Variants in LIN28B observed in about 807,000 individuals in gnomAD.
LIN28B encodes protein lin-28 homolog B.
Under a neutral mutation model 21.9 loss-of-function variants are expected in LIN28B, and 5 were observed. The ratio of observed to expected loss-of-function variants is 0.23; its 90% CI spans 0.12 to 0.48. The LOEUF is 0.48. Among genes scored for constraint, LIN28B ranks in the 20% least tolerant of loss-of-function variants. The probability of loss-of-function intolerance (pLI) is 0.98; values close to 1 mark genes in which losing one functional copy is unlikely to be tolerated. For missense variants in LIN28B, 245 were observed against 310.5 expected, an observed-to-expected ratio of 0.79 and a Z score of 1.58; for synonymous variants, 109 against 111.3, an observed-to-expected ratio of 0.98 and a Z score of 0.13.
At chr6:104,958,728 C>T (rs1357837810) in intron 2 of LIN28B, among the ~76,000 whole-genome samples, 1 of 152,186 alleles carries the variant, frequency 6.6e-6, no homozygotes. Context: ...CACCTCTAGT[C>T]ACAGTAGCTC....
intron 3 of LIN28B, among the ~76,000 whole-genome samples, chr6:105,052,287 T>C (rs1189851978): frequency 6.6e-6 from 1 of 152,136 alleles, no homozygotes; most frequent in Non-Finnish European, 1.5e-5. Flanking sequence ...GATGGTGTCT[T>C]AGTCTACTTT....
chr6:104,966,159 A>G (rs888801835), intron 2 of LIN28B, among the ~76,000 whole-genome samples: 2 of 152,218 alleles, frequency 1.3e-5, no homozygotes, highest in Non-Finnish European at 1.5e-5. Flanking sequence ...AATTAGTATT[A>G]TAAAGGAGAA....
At chr6:105,041,233 C>G (rs1273219004) in intron 3 of LIN28B, among the ~76,000 whole-genome samples, 1 of 152,094 alleles carries the variant, frequency 6.6e-6, no homozygotes, top group Non-Finnish European at 1.5e-5. Context: ...TTTAGTAATT[C>G]CTAACATTTT....
chr6:104,980,818 G>C lies in LIN28B; in HGVS notation c.198+22532G>C, dbSNP rs559770593. On this transcript the variant is annotated intron_variant, in intron 2 of 3. Transcript: ENST00000345080. ...ATCATGTCCATATAAATTGTTGGCT[G>C]TTCTACTCATTTTATCAGCAGAGCC... 3.7e-4 allele frequency among the ~76,000 whole-genome samples: 56 copies of C among 152,052 alleles called. No individual in the cohort carries two copies. The South Asian group carries it at 0.011, about 30-fold the overall frequency.
At chr6:105,039,873 A>T (rs917217467) in intron 3 of LIN28B, among the ~76,000 whole-genome samples, 23 of 152,282 alleles carry the variant, frequency 1.5e-4, no homozygotes, top group Admixed American at 3.3e-4. Flanking sequence ...CTCTTTTCCA[A>T]GAGTTGTACC....
Position 104,989,017 on chromosome 6 carries a change from A to T in LIN28B, c.198+30731A>T, listed in dbSNP as rs572331002. Among the ~76,000 whole-genome samples, 7 of 152,156 alleles carry T rather than the reference A, an allele frequency of 4.6e-5. No homozygotes were observed. In the East Asian group the frequency reaches 1.4e-3, roughly 29 times the overall value. ...GCCTCACATTTTCTTCATACTTTCT[A>T]TATGATCTGCAGTCGTGTTCCTGCC... On this transcript the variant is annotated intron_variant, in intron 2 of 3. Transcript: ENST00000345080.
chr6:105,013,723 CA>C (rs11330582), intron 2 of LIN28B, among the ~76,000 whole-genome samples: 124,188 of 137,678 alleles, frequency 0.9, 55,769 homozygotes, highest in African/African-American at 0.97. Context: ...GACCCTGTCT[CA>C]AAAAAAAAAA....
chr6:105,002,369 A>G (rs1033219485), intron 2 of LIN28B, among the ~76,000 whole-genome samples: 13 of 152,222 alleles, frequency 8.5e-5, no homozygotes, highest in Admixed American at 7.2e-4. Flanking sequence ...TAATTCTTTG[A>G]CATTAATAGG....
At chr6:104,958,433 A>G in intron 2 of LIN28B, 147 bp downstream of exon 2, 1 of 566,812 alleles carries the variant, frequency 1.8e-6, no homozygotes, top group Non-Finnish European at 3.0e-6. Context: ...TCCAACGTTT[A>G]GGGTACGTGT....
intron 3 of LIN28B, among the ~76,000 whole-genome samples, chr6:105,076,125 C>G (rs936827557): frequency 6.6e-6 from 1 of 152,118 alleles, no homozygotes; most frequent in African/African-American, 2.4e-5. Context: ...ATCTTACACT[C>G]TCTTAGAACA....
intron 2 of LIN28B, among the ~76,000 whole-genome samples, chr6:104,968,814 G>A (rs34275334): frequency 1.1e-3 from 172 of 151,938 alleles, no homozygotes; most frequent in Non-Finnish European, 2.0e-3. Context: ...CCATTCAAAT[G>A]AATTGTCTTT....
At chr6:105,000,205 G>A (rs1770694049) in intron 2 of LIN28B, among the ~76,000 whole-genome samples, 1 of 151,978 alleles carries the variant, frequency 6.6e-6, no homozygotes. Flanking sequence ...AATGAAAAAA[G>A]TATAGTATGA....
In LIN28B at chr6:105,070,419, A is replaced by T. The variant is rs989243710; in HGVS notation, c.384-7995A>T. On this transcript the variant is annotated intron_variant, in intron 3 of 3. Coordinates refer to ENST00000345080, the MANE Select transcript of LIN28B (RefSeq NM_001004317.4). ...ATATATCAGTTCTTTCTTGTTATTT[A>T]AAAAAGAAACTATACAAAAATTTAC... is the stretch of plus-strand genomic sequence containing the variant. Among the ~76,000 whole-genome samples, 8 of 152,232 alleles carry T rather than the reference A, an allele frequency of 5.3e-5. No homozygotes were observed. The South Asian group carries it at 1.5e-3, about 28-fold the overall frequency.
At chr6:104,943,029 A>C (rs1347566255) in intron 2 of LIN28B, among the ~76,000 whole-genome samples, 1 of 145,542 alleles carries the variant, frequency 6.9e-6, no homozygotes, top group African/African-American at 2.8e-5. Context: ...TTGTTGTGAA[A>C]TTAGTCAAGA....
intron 2 of LIN28B, among the ~76,000 whole-genome samples, chr6:104,976,082 A>G (rs1204640456): frequency 6.6e-6 from 1 of 151,942 alleles, no homozygotes; most frequent in Non-Finnish European, 1.5e-5. Flanking sequence ...GTGCTCTTAA[A>G]TCTCTGGGTT....
intron 2 of LIN28B, among the ~76,000 whole-genome samples, chr6:104,965,342 A>G (rs1410244488): frequency 3.3e-5 from 5 of 152,050 alleles, no homozygotes; most frequent in African/African-American, 1.2e-4. Flanking sequence ...CCTGGGTAAC[A>G]TGGCAAAACT....
At chr6:105,069,291 C>G (rs963729201) in intron 3 of LIN28B, among the ~76,000 whole-genome samples, 2 of 152,086 alleles carry the variant, frequency 1.3e-5, no homozygotes, top group Non-Finnish European at 2.9e-5. Context: ...CATGTCCATA[C>G]TAAACAAATT....
Position 105,080,886 on chromosome 6 carries a change from A to C in LIN28B, c.*2103A>C, listed in dbSNP as rs1489894049. 6.6e-6 allele frequency: 1 copy of C among 152,648 alleles called. No homozygotes were observed. The highest frequency in any genetic ancestry group is 6.5e-5 in the Admixed American group (1 of 15,278). The allele number at this position is 152,648 out of a possible 1,614,324, so 9.5% of individuals were successfully genotyped here. ...CTTCACCTTATGGAAATAGGAAATT[A>C]TGGACTTCAAAATTGGACACTTCCT... On this transcript the variant is annotated 3_prime_UTR_variant, in exon 4 of 4. Transcript: ENST00000345080.
intron 3 of LIN28B, among the ~76,000 whole-genome samples, chr6:105,069,032 C>T (rs1772276822): frequency 6.6e-6 from 1 of 152,068 alleles, no homozygotes. Flanking sequence ...GCCTGGCCAA[C>T]ATAGTGAAAC....
Sources: allele counts gnomAD v4.1 joint callset (sites outside exome capture counted in the v4.1 genomes callset), GRCh38; gene constraint gnomAD v4.1.1; transcripts MANE v1.5; gene names NCBI Gene and HGNC (gene_info 2026-07-23, HGNC 2026-07-21).